Variants in PDE1A observed in about 807,000 individuals in gnomAD.
PDE1A encodes dual specificity calcium/calmodulin-dependent 3',5'-cyclic nucleotide phosphodiesterase 1A.
PDE1A carries 35 observed loss-of-function variants against 61.7 expected under a neutral mutation model. The ratio of observed to expected loss-of-function variants is 0.57; its 90% confidence interval spans 0.43 to 0.75. PDE1A has a LOEUF of 0.75. Among genes scored for constraint, PDE1A ranks in the 30% least tolerant of loss-of-function variants. PDE1A has a pLI of 0.00. For synonymous variants in PDE1A, 232 were observed against 213.2 expected, an observed-to-expected ratio of 1.09 and a Z score of -0.77; for missense variants, 597 against 630.6, an observed-to-expected ratio of 0.95 and a Z score of 0.57.
At chr2:182,692,537 T>G in the PDE1A span, among the ~76,000 whole-genome samples, 757 of 151,176 alleles carry the variant, frequency 5.0e-3, 11 homozygotes, top group African/African-American at 0.018. Flanking sequence ...GGGGAGTGGG[T>G]AGGGATAGCA....
intron 1 of PDE1A, among the ~76,000 whole-genome samples, chr2:182,272,051 G>T (rs1693063413): frequency 6.6e-6 from 1 of 152,110 alleles, no homozygotes; most frequent in South Asian, 2.1e-4. Context: ...TCTATCCCAG[G>T]AAGTGGGCAA....
chr2:182,385,909 G>A (rs1377952412), intron 1 of PDE1A, among the ~76,000 whole-genome samples: 10 of 151,706 alleles, frequency 6.6e-5, no homozygotes, highest in East Asian at 5.9e-4. Flanking sequence ...TCTGATGCCC[G>A]GCCGAAGCTG....
chr2:182,672,546 G>A, the PDE1A span, among the ~76,000 whole-genome samples: 1 of 152,194 alleles, frequency 6.6e-6, no homozygotes, highest in Non-Finnish European at 1.5e-5. Flanking sequence ...AGACAGGGTA[G>A]AAAAAACACA....
At chr2:182,313,782 G>A (rs1359890495) in intron 1 of PDE1A, among the ~76,000 whole-genome samples, 2 of 152,056 alleles carry the variant, frequency 1.3e-5, no homozygotes, top group Admixed American at 1.3e-4. Flanking sequence ...TTTTTAAGGG[G>A]AGATAATATG....
chr2:182,240,733 A>G (rs1690436267), intron 2 of PDE1A, among the ~76,000 whole-genome samples: 1 of 152,242 alleles, frequency 6.6e-6, no homozygotes, highest in Non-Finnish European at 1.5e-5. Flanking sequence ...TCTTGTGTGT[A>G]TCTTAAGTAT....
intron 1 of PDE1A, among the ~76,000 whole-genome samples, chr2:182,383,848 G>A (rs1259385272): frequency 6.6e-6 from 1 of 152,186 alleles, no homozygotes; most frequent in African/African-American, 2.4e-5. Context: ...CATTTGCTTG[G>A]AGGGAAGAGA....
chr2:182,673,325 GTGT>G, the PDE1A span, among the ~76,000 whole-genome samples: 1 of 152,080 alleles, frequency 6.6e-6, no homozygotes, highest in African/African-American at 2.4e-5. Context: ...CAAAATAAAT[GTGT>G]TATTATCAAA....
chr2:182,693,637 C>CTTTTTTTTTTTTTTTTTT, the PDE1A span, among the ~76,000 whole-genome samples: 3 of 123,426 alleles, frequency 2.4e-5, no homozygotes, highest in East Asian at 2.3e-4. Context: ...TGATAGTGTT[C>CTTTTTTTTTTTTTTTTTT]TTTTTTTTTT....
the PDE1A span, among the ~76,000 whole-genome samples, chr2:182,541,355 TA>T: frequency 6.6e-6 from 1 of 152,196 alleles, no homozygotes; most frequent in Non-Finnish European, 1.5e-5. Context: ...CATCTATAAA[TA>T]AAAAGCCAAC....
intron 1 of PDE1A, among the ~76,000 whole-genome samples, chr2:182,372,163 T>C (rs1228277275): frequency 6.6e-6 from 1 of 152,210 alleles, no homozygotes; most frequent in Non-Finnish European, 1.5e-5. Flanking sequence ...CATACCAAAA[T>C]GTGAGTTTTC....
chr2:182,203,187 G>A (rs1210307946), intron 8 of PDE1A, among the ~76,000 whole-genome samples: 2 of 152,082 alleles, frequency 1.3e-5, no homozygotes, highest in Non-Finnish European at 2.9e-5. Flanking sequence ...AGCCCTGGTG[G>A]CGGGCACCTG....
At chr2:182,356,460 C>A (rs1699185719) in intron 1 of PDE1A, among the ~76,000 whole-genome samples, 1 of 152,004 alleles carries the variant, frequency 6.6e-6, no homozygotes, top group African/African-American at 2.4e-5. Flanking sequence ...TTTCTCATTG[C>A]TGTCTTATGA....
chr2:182,690,085 G>A, the PDE1A span, among the ~76,000 whole-genome samples: 8 of 152,192 alleles, frequency 5.3e-5, 1 homozygote, highest in Admixed American at 3.3e-4. Flanking sequence ...ATTCACAGCC[G>A]AATTCTACCA....
intron 2 of PDE1A, among the ~76,000 whole-genome samples, chr2:182,487,098 G>A (rs2125865881): frequency 6.6e-6 from 1 of 152,090 alleles, no homozygotes; most frequent in African/African-American, 2.4e-5. Flanking sequence ...CTTAAAAATT[G>A]GCAAAAGAAT....
At chr2:182,223,371 A>G (rs1032707320) in intron 7 of PDE1A, among the ~76,000 whole-genome samples, 3 of 152,056 alleles carry the variant, frequency 2.0e-5, no homozygotes, top group Admixed American at 2.0e-4. Context: ...CTGGTATTTG[A>G]TTTAAATAAC....
the PDE1A span, among the ~76,000 whole-genome samples, chr2:182,707,631 C>T: frequency 8.7e-4 from 132 of 152,244 alleles, no homozygotes; most frequent in Non-Finnish European, 1.6e-3. Context: ...AAATTACATA[C>T]ATAATTTTTA....
At chr2:182,369,886 T>C (rs943754658) in intron 1 of PDE1A, among the ~76,000 whole-genome samples, 14 of 151,518 alleles carry the variant, frequency 9.2e-5, no homozygotes, top group African/African-American at 3.4e-4. Flanking sequence ...TAGAAAGGAG[T>C]TTCATTGGCT....
intron 1 of PDE1A, among the ~76,000 whole-genome samples, chr2:182,373,392 ACTT>A (rs1700224169): frequency 6.6e-6 from 1 of 152,186 alleles, no homozygotes; most frequent in Non-Finnish European, 1.5e-5. Context: ...AGTGTAAATT[ACTT>A]CTTCGACAAT....
the PDE1A span, among the ~76,000 whole-genome samples, chr2:182,610,406 A>C: frequency 2.0e-5 from 3 of 152,180 alleles, no homozygotes; most frequent in East Asian, 5.8e-4. Flanking sequence ...GTCCTCCCTC[A>C]GCTCCTACAG....
Sources: allele counts gnomAD v4.1 joint callset (sites outside exome capture counted in the v4.1 genomes callset), GRCh38; gene constraint gnomAD v4.1.1; transcripts MANE v1.5; gene names NCBI Gene and HGNC (gene_info 2026-07-23, HGNC 2026-07-21).